TAB2: variants seen among roughly 807,000 people sequenced by gnomAD.
TAB2 encodes the protein TGF-beta-activated kinase 1 and MAP3K7-binding protein 2.
In TAB2, 3 loss-of-function variants were observed where a neutral mutation model predicts 65.0. The ratio of observed to expected loss-of-function variants is 0.05; its 90% CI spans 0.02 to 0.12. TAB2 has a LOEUF of 0.12. Ranked by LOEUF, TAB2 falls within the 10% of genes least tolerant of loss-of-function variation. TAB2 has a pLI of 1.00. For missense variants in TAB2, 623 were observed against 840.3 expected (o/e 0.74, Z 3.20); for synonymous variants, 298 against 285.1 (o/e 1.05, Z -0.46).
At chr6:149,357,446 C>A (rs1241326083) in intron 1 of TAB2, among the ~76,000 whole-genome samples, 27 of 146,564 alleles carry the variant, frequency 1.8e-4, no homozygotes, top group South Asian at 4.3e-4. Context: ...CACACACACA[C>A]ACACACACAC....
At chr6:149,225,495 C>A (rs1166626066) in intron 1 of TAB2, among the ~76,000 whole-genome samples, 1 of 152,102 alleles carries the variant, frequency 6.6e-6, no homozygotes, top group Non-Finnish European at 1.5e-5. Context: ...CCATGGAATA[C>A]CAGGCAGAAA....
At chr6:149,258,389 G>A (rs1180615655) in intron 1 of TAB2, among the ~76,000 whole-genome samples, 2 of 151,010 alleles carry the variant, frequency 1.3e-5, no homozygotes, top group Non-Finnish European at 2.9e-5. Flanking sequence ...ACATGCCAGA[G>A]TGAGCCCCCT....
intron 1 of TAB2, among the ~76,000 whole-genome samples, chr6:149,263,937 T>C (rs1164396847): frequency 6.6e-6 from 1 of 152,156 alleles, no homozygotes; most frequent in Non-Finnish European, 1.5e-5. Context: ...CAGGGTCATT[T>C]TCTTCTTTCC....
chr6:149,295,775 TTTC>T (rs375377132), intron 1 of TAB2, among the ~76,000 whole-genome samples: 5 of 152,176 alleles, frequency 3.3e-5, no homozygotes, highest in Non-Finnish European at 2.9e-5. Context: ...GTTATCTTTT[TTTC>T]TTCTTCTTTT....
chr6:149,352,585 A>G (rs148229053), intron 1 of TAB2, among the ~76,000 whole-genome samples: 11 of 152,262 alleles, frequency 7.2e-5, no homozygotes, highest in African/African-American at 2.2e-4. Flanking sequence ...ATACTTTACT[A>G]TAAGCACCTC....
intron 3 of TAB2, among the ~76,000 whole-genome samples, chr6:149,386,867 A>ATG (rs1781824257): frequency 1.3e-5 from 2 of 152,218 alleles, no homozygotes; most frequent in African/African-American, 4.8e-5. Context: ...TTGGCTAATG[A>ATG]TGTCAAGCAT....
At chr6:149,357,993 GC>G (rs1381387378) in intron 1 of TAB2, among the ~76,000 whole-genome samples, 2 of 152,230 alleles carry the variant, frequency 1.3e-5, no homozygotes, top group Non-Finnish European at 2.9e-5. Context: ...GAGCCATCAC[GC>G]CCGGCCTTTT....
At chr6:149,389,726 A>G (rs1247816845) in intron 3 of TAB2, among the ~76,000 whole-genome samples, 4 of 151,262 alleles carry the variant, frequency 2.6e-5, no homozygotes, top group Non-Finnish European at 5.9e-5. Flanking sequence ...TCCAAGTTAT[A>G]TTGTTTTGAG....
At chr6:149,284,591 T>A (rs1449354384) in intron 1 of TAB2, among the ~76,000 whole-genome samples, 3 of 149,422 alleles carry the variant, frequency 2.0e-5, no homozygotes, top group African/African-American at 7.4e-5. Context: ...TAATAAAAAA[T>A]TAGATCTAAT....
At chr6:149,332,852 A>G (rs1436376680) in intron 1 of TAB2, among the ~76,000 whole-genome samples, 2 of 152,208 alleles carry the variant, frequency 1.3e-5, no homozygotes, top group African/African-American at 4.8e-5. Flanking sequence ...CCTGAGTCCC[A>G]CTGTGATCAT....
chr6:149,386,254 C>A (rs573371151), intron 3 of TAB2, among the ~76,000 whole-genome samples: 17 of 152,266 alleles, frequency 1.1e-4, no homozygotes, highest in Admixed American at 5.9e-4. Flanking sequence ...ATCTATTATT[C>A]TTTAAAATTT....
chr6:149,253,948 GAAAGAAAGAAAA>G (rs1583048505), intron 1 of TAB2, among the ~76,000 whole-genome samples: 6 of 96,896 alleles, frequency 6.2e-5, no homozygotes, highest in East Asian at 6.2e-4. Flanking sequence ...GAAAGAGAAA[GAAAGAAAGAAAA>G]AGAAAGAAAG....
chr6:149,259,169 A>T (rs1778101330), intron 1 of TAB2, among the ~76,000 whole-genome samples: 1 of 152,188 alleles, frequency 6.6e-6, no homozygotes. Flanking sequence ...GTTTGTGGTC[A>T]TTTTCGACAG....
At chr6:149,308,376 A>T (rs891227310) in intron 1 of TAB2, among the ~76,000 whole-genome samples, 3 of 151,584 alleles carry the variant, frequency 2.0e-5, no homozygotes, top group African/African-American at 4.9e-5. Context: ...TGGCTTTTTT[A>T]AAAAATCTTT....
intron 1 of TAB2, among the ~76,000 whole-genome samples, chr6:149,237,607 C>T (rs997663535): frequency 1.8e-4 from 28 of 152,222 alleles, no homozygotes; most frequent in African/African-American, 6.8e-4. Flanking sequence ...AAGACCCATG[C>T]TTTAACAACA....
intron 3 of TAB2, among the ~76,000 whole-genome samples, chr6:149,397,141 G>T (rs895136714): frequency 6.6e-6 from 1 of 152,096 alleles, no homozygotes; most frequent in Admixed American, 6.5e-5. Context: ...CAATTTTTCA[G>T]TTAAAATGTT....
At chr6:149,256,145 AAAAAGGAAGTG>A in intron 1 of TAB2, among the ~76,000 whole-genome samples, 1 of 152,252 alleles carries the variant, frequency 6.6e-6, no homozygotes, top group Admixed American at 6.5e-5. Flanking sequence ...TTAATTTTAA[AAAAAGGAAGTG>A]AAAAGGAAGA....
rs1409495527 is a variant in TAB2, at chr6:149,410,583, A to T, written c.*864A>T. Reference sequence around the variant, plus strand: ...TGCACAGAATAACTTTCCTCTACTTATTCTGTACTTTGCCCTCATGAGTTC... The same window carrying T: ...TGCACAGAATAACTTTCCTCTACTTTTTCTGTACTTTGCCCTCATGAGTTC... On this transcript the variant is annotated 3_prime_UTR_variant, in exon 7 of 7. Coordinates refer to ENST00000637181, the MANE Select transcript of TAB2 (RefSeq NM_001292034.3). 1.3e-5 allele frequency: 2 copies of T among 152,666 alleles called. No individual in the cohort carries two copies. The highest frequency in any genetic ancestry group is 4.8e-5 in the African/African-American group (2 of 41,464). The allele number at this position is 152,666 out of a possible 1,614,324, so 9.5% of individuals were successfully genotyped here. A position where few individuals can be genotyped will look rare whatever the true frequency, so the allele number is the denominator to read the frequency against.
intron 6 of TAB2, among the ~76,000 whole-genome samples, chr6:149,402,487 A>T (rs981992549): frequency 3.9e-5 from 6 of 151,968 alleles, no homozygotes; most frequent in East Asian, 1.9e-4. Flanking sequence ...TTAGAAATTT[A>T]AAAAAAAATT....
Sources: allele counts gnomAD v4.1 joint callset (sites outside exome capture counted in the v4.1 genomes callset), GRCh38; gene constraint gnomAD v4.1.1; transcripts MANE v1.5; gene names NCBI Gene and HGNC (gene_info 2026-07-23, HGNC 2026-07-21).